IL16: variants seen among roughly 807,000 people sequenced by gnomAD.
IL16 encodes pro-interleukin-16.
Under a neutral mutation model 110.1 loss-of-function variants are expected in IL16, and 67 were observed. That is an observed-to-expected ratio of 0.61 (90% CI 0.50 to 0.75). The LOEUF (loss-of-function observed/expected upper bound fraction) is 0.75, where lower values mean the gene tolerates loss of function less well. IL16 is among the 30% of genes least tolerant of loss of function. IL16 has a pLI of 0.00. For synonymous variants in IL16, 689 were observed against 662.9 expected, an observed-to-expected ratio of 1.04 and a Z score of -0.61; for missense variants, 1,545 against 1,655.0, an observed-to-expected ratio of 0.93 and a Z score of 1.15.
At chr15:81,291,876 C>G in intron 11 of IL16, 1 of 455,406 alleles carries the variant, frequency 2.2e-6, no homozygotes, top group South Asian at 1.5e-5. Flanking sequence ...TGTTATTGAG[C>G]CTCAAAATAA....
chr15:81,231,123 G>A (rs1005304516), intron 2 of IL16, among the ~76,000 whole-genome samples: 1 of 152,038 alleles, frequency 6.6e-6, no homozygotes, highest in Non-Finnish European at 1.5e-5. Flanking sequence ...TGGATCCCTT[G>A]AACCCAAGGA....
At chr15:81,269,769 C>A in intron 5 of IL16, 121 bp downstream of exon 5, 2 of 685,572 alleles carry the variant, frequency 2.9e-6, no homozygotes, top group South Asian at 1.8e-5. Context: ...TCAGAAGAGA[C>A]AAACACAAGA....
intron 9 of IL16, among the ~76,000 whole-genome samples, chr15:81,283,777 G>A (rs757512153): frequency 5.9e-5 from 9 of 152,110 alleles, no homozygotes; most frequent in South Asian, 2.1e-4. Flanking sequence ...AGGCTGAGGC[G>A]AGTGAATGGC....
chr15:81,205,199 G>A (rs1311742042), intron 1 of IL16, among the ~76,000 whole-genome samples: 9 of 151,786 alleles, frequency 5.9e-5, no homozygotes, highest in Non-Finnish European at 8.8e-5. Context: ...CCAGCTACTC[G>A]GGAGGCTAAG....
chr15:81,224,381 T>G (rs1275677571), intron 1 of IL16, among the ~76,000 whole-genome samples: 1 of 152,220 alleles, frequency 6.6e-6, no homozygotes, highest in Non-Finnish European at 1.5e-5. Flanking sequence ...AGGGCTCCTT[T>G]CACCACCTGC....
intron 6 of IL16, among the ~76,000 whole-genome samples, chr15:81,276,949 G>A (rs1182587415): frequency 6.6e-6 from 1 of 151,500 alleles, no homozygotes; most frequent in East Asian, 1.9e-4. Context: ...ATCTAAAAGA[G>A]ACTATAGAAT....
chr15:81,227,147 A>T (rs1019191935), intron 2 of IL16, among the ~76,000 whole-genome samples: 13 of 152,152 alleles, frequency 8.5e-5, no homozygotes, highest in African/African-American at 3.1e-4. Flanking sequence ...GGATGCTGTC[A>T]TTCCTTCCTT....
At position 81,300,413 on chromosome 15, in the gene IL16, C is replaced by A. The variant is rs151177759; in HGVS notation, c.3087C>A (p.Asn1029Lys). ...GGGCATCTCCAACATCATCATCCAA[C>A]GAAGACTCAGCTGCAAATGGTTCTG... ...KEGASPTSSS[N>K]EDSAANGSAE... The change falls in exon 14 of 19, where the codon AAC becomes AAA. Residue 1029 changes from asparagine to lysine, a missense_variant. Around this residue, in one of 3 missense-constraint regions of IL16, gnomAD observed 356 missense variants for 399.3 expected, o/e 0.89. Coordinates refer to ENST00000683961, the MANE Select transcript of IL16 (RefSeq NM_172217.5). 1 of 1,614,176 alleles carries A rather than the reference C, an allele frequency of 6.2e-7. No homozygotes were observed. Among genetic ancestry groups the A allele is most frequent in the Non-Finnish European group, 8.5e-7 (1 of 1,180,024 alleles).
chr15:81,252,886 C>T (rs1183497316), intron 2 of IL16, among the ~76,000 whole-genome samples: 2 of 152,090 alleles, frequency 1.3e-5, no homozygotes, highest in Non-Finnish European at 2.9e-5. Flanking sequence ...AGGTAATGGA[C>T]ACAGGTTGTT....
chr15:81,193,047 A>G (rs889558949), upstream of IL16, among the ~76,000 whole-genome samples: 1 of 152,242 alleles, frequency 6.6e-6, no homozygotes, highest in African/African-American at 2.4e-5. Flanking sequence ...TAGCCAGCCT[A>G]TAGATGACAA....
intron 6 of IL16, 49 bp from the exon 7 acceptor site, chr15:81,278,768 C>G: frequency 7.8e-7 from 1 of 1,283,620 alleles, no homozygotes; most frequent in Non-Finnish European, 1.1e-6. Flanking sequence ...TGATAATGCC[C>G]TTTGATTGGG....
intron 2 of IL16, among the ~76,000 whole-genome samples, chr15:81,254,464 A>C (rs1040401185): frequency 6.6e-6 from 1 of 152,162 alleles, no homozygotes; most frequent in African/African-American, 2.4e-5. Flanking sequence ...TCACATGACC[A>C]ATCCTAACTT....
chr15:81,247,076 C>CTTTTTTTTTTTTTTTTTT (rs57484982), intron 2 of IL16, among the ~76,000 whole-genome samples: 8 of 92,618 alleles, frequency 8.6e-5, no homozygotes, highest in South Asian at 6.4e-4. Context: ...TTTTCTTTTC[C>CTTTTTTTTTTTTTTTTTT]TTTTTTTTTT....
chr15:81,262,154 C>T (rs1228250976), intron 3 of IL16, among the ~76,000 whole-genome samples: 1 of 152,158 alleles, frequency 6.6e-6, no homozygotes, highest in Non-Finnish European at 1.5e-5. Flanking sequence ...GTGAGTTTGC[C>T]TATTCTTTAC....
intron 1 of IL16, among the ~76,000 whole-genome samples, chr15:81,189,248 C>T (rs531130946): frequency 8.6e-4 from 130 of 151,924 alleles, no homozygotes; most frequent in African/African-American, 2.8e-3. Context: ...CTCAGCCTCC[C>T]GAGTAGCTGG....
At chr15:81,205,252 G>A (rs552957285) in intron 1 of IL16, among the ~76,000 whole-genome samples, 1 of 148,008 alleles carries the variant, frequency 6.8e-6, no homozygotes, top group African/African-American at 2.5e-5. Context: ...GTTGCAGTGA[G>A]CCGAGATCAC....
At chr15:81,297,168 G>C (rs1417394455) in intron 13 of IL16, 90 bp downstream of exon 13, 5 of 1,304,506 alleles carry the variant, frequency 3.8e-6, no homozygotes, top group African/African-American at 1.5e-5. Context: ...CTGAGGATCA[G>C]AGTGCTCTGC....
intron 2 of IL16, among the ~76,000 whole-genome samples, chr15:81,249,283 C>G (rs550709068): frequency 6.6e-6 from 1 of 152,212 alleles, no homozygotes; most frequent in Non-Finnish European, 1.5e-5. Flanking sequence ...AATATCAACT[C>G]TTTCTTTTAA....
rs115179839 is a variant in IL16, at chr15:81,304,109, C to T, written c.3420+459C>T. ...AAACAAATCCTCCAGTTCACAGCAT[C>T]AGCCAGCATTCAACATACCACACCC... On this transcript the variant is annotated intron_variant, in intron 16 of 18. Coordinates refer to ENST00000683961, the MANE Select transcript of IL16 (RefSeq NM_172217.5). Among the ~76,000 whole-genome samples the T allele has an allele frequency of 7.0e-3, 1,074 of 152,350 alleles. 9 individuals carry two copies. Among genetic ancestry groups the T allele is most frequent in the African/African-American group, 0.024 (1,009 of 41,568 alleles).
Sources: gnomAD v4.1 joint callset for allele counts (sites outside exome capture counted in the v4.1 genomes callset) on GRCh38, gnomAD v4.1.1 for gene constraint, gnomAD v4.1.1 regional missense constraint, MANE v1.5 for transcripts, NCBI Gene and HGNC (gene_info 2026-07-23, HGNC 2026-07-21) for gene names.